DAB1: variants seen among roughly 807,000 people sequenced by gnomAD.
DAB1 encodes DAB adaptor protein 1, also known as disabled homolog 1.
Under a neutral mutation model 64.6 loss-of-function variants are expected in DAB1, and 15 were observed. The observed-to-expected ratio is 0.23, with a 90% CI of 0.16 to 0.36. The LOEUF is 0.36. Among genes scored for constraint, DAB1 ranks in the 10% least tolerant of loss-of-function variants. DAB1 has a pLI of 1.00. For missense variants in DAB1, 596 were observed against 706.7 expected (o/e 0.84, Z 1.78); for synonymous variants, 235 against 251.9 (o/e 0.93, Z 0.64).
chr1:57,207,724 G>A (rs906607260), intron 2 of DAB1, among the ~76,000 whole-genome samples: 6 of 152,068 alleles, frequency 3.9e-5, no homozygotes, highest in African/African-American at 1.2e-4. Context: ...GATTACAGGC[G>A]TGAGCCACCG....
At chr1:58,020,723 G>A (rs528914198) in intron 5 of DAB1, among the ~76,000 whole-genome samples, 1 of 152,208 alleles carries the variant, frequency 6.6e-6, no homozygotes, top group African/African-American at 2.4e-5. Flanking sequence ...GAAAAGACCA[G>A]CCAGGCGCGG....
intron 5 of DAB1, among the ~76,000 whole-genome samples, chr1:58,077,735 G>C (rs1380692411): frequency 6.6e-6 from 1 of 152,202 alleles, no homozygotes; most frequent in Non-Finnish European, 1.5e-5. Flanking sequence ...AGAAAGGAAA[G>C]ATTGACGGCT....
rs1329432048 is a variant in DAB1, at chr1:57,430,618, C to G, written n.626-139452G>C. ...GGTCTCGATCTCCTGACCTCGTGAT[C>G]CGCCCGCCTAGGCCTCCCAAAGTGC... On this transcript the variant is annotated intron_variant and non_coding_transcript_variant, in intron 7 of 20. Transcript: ENST00000485760. Among the ~76,000 whole-genome samples the G allele has an allele frequency of 5.3e-5, 8 of 151,996 alleles. No individual in the cohort carries two copies. In the South Asian group the frequency reaches 1.7e-3, roughly 32 times the overall value.
At chr1:58,423,576 A>G (rs1644793486) in intron 3 of DAB1, among the ~76,000 whole-genome samples, 1 of 152,198 alleles carries the variant, frequency 6.6e-6, no homozygotes, top group South Asian at 2.1e-4. Flanking sequence ...CCTATCCTTC[A>G]GCTCCCAGAT....
intron 2 of DAB1, among the ~76,000 whole-genome samples, chr1:57,179,285 C>T (rs764081026): frequency 4.4e-4 from 67 of 152,116 alleles, no homozygotes; most frequent in African/African-American, 1.3e-3. Flanking sequence ...GGCACAGCAG[C>T]GAGGTGAATG....
At chr1:57,289,743 T>G (rs1010461530) in intron 2 of DAB1, among the ~76,000 whole-genome samples, 13 of 152,060 alleles carry the variant, frequency 8.5e-5, no homozygotes, top group African/African-American at 2.9e-4. Flanking sequence ...GCATCCCAGT[T>G]TGCAAGCCCA....
intron 1 of DAB1, among the ~76,000 whole-genome samples, chr1:57,402,178 G>A (rs1246842312): frequency 1.1e-4 from 16 of 152,116 alleles, no homozygotes; most frequent in Admixed American, 1.0e-3. Context: ...CTTGTAGTCA[G>A]GAAATATTAA....
intron 1 of DAB1, among the ~76,000 whole-genome samples, chr1:57,364,853 ATG>A: frequency 6.7e-6 from 1 of 148,788 alleles, no homozygotes; most frequent in Admixed American, 6.7e-5. Context: ...ATATATATAT[ATG>A]TATATATATA....
At chr1:58,504,954 ATACT>A (rs1645963354) in intron 3 of DAB1, among the ~76,000 whole-genome samples, 2 of 151,714 alleles carry the variant, frequency 1.3e-5, no homozygotes, top group South Asian at 4.2e-4. Flanking sequence ...ATACTGAAAG[ATACT>A]TCTTTTTTTT....
intron 1 of DAB1, among the ~76,000 whole-genome samples, chr1:58,529,137 A>G (rs891438833): frequency 2.6e-5 from 4 of 152,200 alleles, no homozygotes; most frequent in African/African-American, 4.8e-5. Context: ...TTTCTCTTTA[A>G]GAACCTTTAC....
At chr1:57,102,916 T>C (rs746644676) in intron 4 of DAB1, among the ~76,000 whole-genome samples, 16 of 152,256 alleles carry the variant, frequency 1.1e-4, no homozygotes, top group East Asian at 1.9e-4. Flanking sequence ...GAAGCTCCTA[T>C]GCAAGAAGCT....
At chr1:58,239,895 G>A (rs891898836) in intron 4 of DAB1, among the ~76,000 whole-genome samples, 9 of 152,228 alleles carry the variant, frequency 5.9e-5, no homozygotes, top group Middle Eastern at 3.4e-3. Flanking sequence ...TTCCAGTCCC[G>A]GAGCCGCAAG....
chr1:57,021,442 G>C (rs112062891), intron 11 of DAB1, among the ~76,000 whole-genome samples: 30 of 152,282 alleles, frequency 2.0e-4, no homozygotes, highest in African/African-American at 6.7e-4. Flanking sequence ...GAATCATGGG[G>C]GTGGTTTTCC....
chr1:57,351,059 T>C (rs971452133), intron 1 of DAB1, among the ~76,000 whole-genome samples: 1 of 152,200 alleles, frequency 6.6e-6, no homozygotes, highest in Non-Finnish European at 1.5e-5. Context: ...GTGCCACTTG[T>C]TTCATGTCCA....
intron 1 of DAB1, among the ~76,000 whole-genome samples, chr1:57,838,165 C>T (rs182851119): frequency 2.5e-4 from 38 of 152,160 alleles, no homozygotes; most frequent in South Asian, 6.2e-4. Flanking sequence ...TGTTCTAGGC[C>T]GCCTTATCCC....
chr1:58,430,377 G>A (rs934368517), intron 3 of DAB1, among the ~76,000 whole-genome samples: 1 of 152,220 alleles, frequency 6.6e-6, no homozygotes, highest in Non-Finnish European at 1.5e-5. Context: ...ATTGGGTCTG[G>A]AGGATGGGTT....
At chr1:58,485,174 T>C (rs1290994353) in intron 3 of DAB1, among the ~76,000 whole-genome samples, 2 of 141,534 alleles carry the variant, frequency 1.4e-5, no homozygotes, top group Admixed American at 1.5e-4. Context: ...CTCTATACCT[T>C]CTACTCAATT....
intron 7 of DAB1, among the ~76,000 whole-genome samples, chr1:57,479,068 T>A (rs977742810): frequency 6.6e-6 from 1 of 152,166 alleles, no homozygotes; most frequent in East Asian, 1.9e-4. Flanking sequence ...GATTAACACA[T>A]GCATTTATTC....
chr1:58,241,997 T>C (rs1276054898), intron 4 of DAB1, among the ~76,000 whole-genome samples: 1 of 152,060 alleles, frequency 6.6e-6, no homozygotes, highest in African/African-American at 2.4e-5. Context: ...AAATCATCCA[T>C]TAAAAATGAT....
Sources: allele counts gnomAD v4.1 joint callset (sites outside exome capture counted in the v4.1 genomes callset), GRCh38; gene constraint gnomAD v4.1.1; transcripts MANE v1.5; gene names NCBI Gene and HGNC (gene_info 2026-07-23, HGNC 2026-07-21).